The following C8G variants were observed in gnomAD, a reference collection of about 807,000 sequenced individuals.
The protein encoded by C8G is complement component C8 gamma chain.
A neutral mutation model predicts 29.1 loss-of-function variants in C8G; 38 were observed. The ratio of observed to expected loss-of-function variants is 1.31; its 90% CI spans 1.01 to 1.71. The LOEUF is 1.71. Ranked by LOEUF, C8G falls within the 40% of genes most tolerant of loss-of-function variation. The pLI is 0.00. For missense variants in C8G, 300 were observed against 267.4 expected (o/e 1.12, Z -0.85); for synonymous variants, 158 against 113.2 (o/e 1.40, Z -2.51).
chr9:136,945,968 C>G lies in C8G; in HGVS notation c.315C>G (p.Asp105Glu). The G allele has an allele frequency of 6.4e-7, 1 of 1,574,228 alleles. No individual in the cohort carries two copies. The highest frequency in any genetic ancestry group is 1.2e-5 in the South Asian group (1 of 86,708). ...GGCAGGTGCGCCAGCTCTATGGAGA[C>G]ACAGGGGTCCTCGGCCGCTTCCTGC... The part of the protein sequence containing the change: ...ICWQVRQLYG[D>E]TGVLGRFLLQ... The change falls in exon 3 of 7, where the codon GAC (aspartate) becomes GAG (glutamate). Residue 105 changes from aspartate to glutamate, a missense_variant. Coordinates refer to ENST00000371634, the MANE Select transcript of C8G (RefSeq NM_000606.3).
At chr9:136,946,396 C>G in intron 4 of C8G, 69 bp from the exon 5 acceptor site, 3 of 1,498,684 alleles carry the variant, frequency 2.0e-6, no homozygotes, top group Non-Finnish European at 2.7e-6. Flanking sequence ...AGGGGACACA[C>G]AGACCCCGTT....
Position 136,946,938 on chromosome 9 carries a change from G to C in C8G, c.*157G>C. 1.1e-6 allele frequency: 1 copy of C among 884,714 alleles called. No individual in the cohort carries two copies. The highest frequency in any genetic ancestry group is 1.8e-6 in the Non-Finnish European group (1 of 560,380). 54.8% of individuals were successfully genotyped at this position (884,714 alleles called of 1,614,324 possible). ...TGCCGGCTGCCCCAGAGGACAGTGGGTGGAGTGGTACCTACTTATTAAATG... is the reference window on the plus strand; with the variant it reads ...TGCCGGCTGCCCCAGAGGACAGTGGCTGGAGTGGTACCTACTTATTAAATG... On this transcript the variant is annotated 3_prime_UTR_variant, in exon 7 of 7. Transcript: ENST00000371634.
At chr9:136,946,252 C>A in intron 4 of C8G, 60 bp downstream of exon 4, 1 of 1,449,708 alleles carries the variant, frequency 6.9e-7, no homozygotes, top group Non-Finnish European at 9.4e-7. Flanking sequence ...ACTCACTGGG[C>A]CACCCCGAGG....
Position 136,945,642 on chromosome 9 carries a change from G to A in C8G, c.147G>A (p.Gly49=). 1 of 1,610,092 alleles carries A rather than the reference G, an allele frequency of 6.2e-7. No homozygotes were observed. The highest frequency in any genetic ancestry group is 8.5e-7 in the Non-Finnish European group (1 of 1,179,482). Residue 49 remains glycine, a synonymous_variant, in exon 2 of 7, where the codon GGG becomes GGA. Transcript: ENST00000371634. ...CCATGGTCTGCCCCCAGTTTGCAGG[G>A]ACCTGGCTCCTTGTGGCTGTGGGCT... ...KANFDAQQFA[G]TWLLVAVGSA... is the part of the protein sequence containing the mutation.
At position 136,946,847 on chromosome 9, in the gene C8G, C is replaced by T. The variant is rs1423567528; in HGVS notation, c.*66C>T. On this transcript the variant is annotated 3_prime_UTR_variant, in exon 7 of 7. Coordinates refer to ENST00000371634, the MANE Select transcript of C8G (RefSeq NM_000606.3). ...AGAGACGACCCCACCAGTGGGGTGC[C>T]CGCTGCCTGTCCTCCGTGAAACCAG... 6.6e-7 allele frequency: 1 copy of T among 1,524,884 alleles called. No individual in the cohort carries two copies. The highest frequency in any genetic ancestry group is 8.8e-7 in the Non-Finnish European group (1 of 1,136,046). The allele number at this position is 1,524,884 out of a possible 1,614,324, so 94.5% of individuals were successfully genotyped here.
At position 136,945,315 on chromosome 9, in the gene C8G, G is replaced by C; in HGVS notation, c.-6G>C. The C allele has an allele frequency of 1.3e-6, 2 of 1,597,166 alleles. No individual in the cohort carries two copies. Among genetic ancestry groups the C allele is most frequent in the South Asian group, 1.1e-5 (1 of 90,110 alleles). On this transcript the variant is annotated 5_prime_UTR_variant, in exon 1 of 7. Coordinates refer to ENST00000371634, the MANE Select transcript of C8G (RefSeq NM_000606.3). ...CCCACAGTCCTGCCACCCTGCTGCC[G>C]CCACCATGCTGCCCCCTGGGACTGC... is the stretch of plus-strand genomic sequence containing the variant.
chr9:136,945,404 G>A lies in C8G; in HGVS notation c.84G>A (p.Arg28=), dbSNP rs746854089. 1.4e-5 allele frequency: 22 copies of A among 1,604,522 alleles called. No individual in the cohort carries two copies. The highest frequency in any genetic ancestry group is 1.6e-4 in the Middle Eastern group (1 of 6,064). The change falls in exon 1 of 7, where the codon CGG becomes CGA. Residue 28 remains arginine, a synonymous_variant. Coordinates refer to ENST00000371634, the MANE Select transcript of C8G (RefSeq NM_000606.3). ...SLGQKPQRPR[R]PASPISTIQP... ...GCCAGAAGCCTCAGAGGCCACGCCG[G>A]CCCGCATCCCCCATCAGCACCATCC...
rs755655913 is a variant in C8G at position 136,945,981 on chromosome 9, G to A, written c.328G>A (p.Gly110Ser). The change falls in exon 3 of 7, where the codon GGC becomes AGC. Residue 110 changes from glycine to serine, a missense_variant. Physicochemically the swap from Gly to Ser is moderately conservative, Grantham distance 56. Transcript: ENST00000371634. ...RQLYGDTGVLGRFLLQARDAR... is the reference protein window; with the variant it reads ...RQLYGDTGVLSRFLLQARDAR... ...GCTCTATGGAGACACAGGGGTCCTC[G>A]GCCGCTTCCTGCTTCAAGGTGAGGC... The A allele has an allele frequency of 1.5e-5, 24 of 1,578,416 alleles. No individual in the cohort carries two copies. Among genetic ancestry groups the A allele is most frequent in the South Asian group, 1.0e-4 (9 of 87,198 alleles).
At position 136,946,466 on chromosome 9, in the gene C8G, C is replaced by T. The variant is rs772896602; in HGVS notation, c.456C>T (p.Ala152=). Residue 152 remains alanine, a splice_region_variant and synonymous_variant, in exon 5 of 7, where the codon GCC becomes GCT. Coordinates refer to ENST00000371634, the MANE Select transcript of C8G (RefSeq NM_000606.3). ...RAGQLSVKLY[A]RSLPVSDSVL... The stretch of plus-strand genomic sequence containing the variant: ...CCAGGAACCCTGTCTGCCCTGCAGC[C>T]CGCTCGCTCCCTGTGAGCGACTCGG... 3.4e-5 allele frequency: 54 copies of T among 1,597,906 alleles called. No homozygotes were observed. The Admixed American group carries it at 4.1e-4, about 12-fold the overall frequency.
At position 136,945,472 on chromosome 9, in the gene C8G, G is replaced by C. The variant is rs375028358; in HGVS notation, c.138+14G>C. 5.8e-6 allele frequency: 9 copies of C among 1,561,760 alleles called. No individual in the cohort carries two copies. In the African/African-American group the frequency reaches 1.1e-4, roughly 19 times the overall value. Reference sequence around the variant, plus strand: ...GATGCTCAGCAGGTAGAAGTTGGGGGGGGTAGAGGGAGGCAGGTAGAAGTT... The same window carrying C: ...GATGCTCAGCAGGTAGAAGTTGGGGCGGGTAGAGGGAGGCAGGTAGAAGTT... On this transcript the variant is annotated intron_variant, in intron 1 of 6. Coordinates refer to ENST00000371634, the MANE Select transcript of C8G (RefSeq NM_000606.3).
rs781101054 is a variant in C8G at position 136,945,279 on chromosome 9, AC to A, written c.-39del. On this transcript the variant is annotated 5_prime_UTR_variant, in exon 1 of 7. Transcript: ENST00000371634. ...CTCTGTCCTGGGACTTGGTGGTGCT[AC>A]CCTTGGCCTCCCACAGTCCTGCCAC... is the stretch of plus-strand genomic sequence containing the variant. The A allele has an allele frequency of 6.4e-7, 1 of 1,557,428 alleles. No individual in the cohort carries two copies. The highest frequency in any genetic ancestry group is 2.3e-5 in the East Asian group (1 of 44,144).
chr9:136,946,116 T>G lies in C8G; in HGVS notation c.378T>G (p.Val126=), dbSNP rs758197158. 7 of 1,593,326 alleles carry G rather than the reference T, an allele frequency of 4.4e-6. No individual in the cohort carries two copies. In the East Asian group the frequency reaches 1.3e-4, roughly 31 times the overall value. Reference sequence around the variant, plus strand: ...ACGCCCGAGGGGCTGTGCACGTGGTTGTCGCTGAGACCGACTACCAGAGTT... The same window carrying G: ...ACGCCCGAGGGGCTGTGCACGTGGTGGTCGCTGAGACCGACTACCAGAGTT... ...ARDARGAVHV[V]VAETDYQSFA... The change falls in exon 4 of 7, where the codon GTT becomes GTG. Residue 126 remains valine (V), a synonymous_variant. Coordinates refer to ENST00000371634, the MANE Select transcript of C8G (RefSeq NM_000606.3).
Position 136,946,894 on chromosome 9 carries a change from C to T in C8G, c.*113C>T, listed in dbSNP as rs1258001813. 7.5e-7 allele frequency: 1 copy of T among 1,339,250 alleles called. No homozygotes were observed. The highest frequency in any genetic ancestry group is 1.4e-5 in the African/African-American group (1 of 69,354). The allele number at this position is 1,339,250 out of a possible 1,614,324, so 83.0% of individuals were successfully genotyped here. A position where few individuals can be genotyped will look rare whatever the true frequency, so the allele number is the denominator to read the frequency against. On this transcript the variant is annotated 3_prime_UTR_variant, in exon 7 of 7. Transcript: ENST00000371634. ...CCAGCCTCAGATCAGGGCCCTGCCA[C>T]CCAGGGCAGGGGATCTTCTGCCGGC...
intron 6 of C8G, 37 bp from the exon 7 acceptor site, chr9:136,946,731 G>T (rs1759332761): frequency 6.2e-7 from 1 of 1,609,364 alleles, no homozygotes; most frequent in Non-Finnish European, 8.5e-7. Flanking sequence ...TGGTGAGGGG[G>T]GCCACTGCCA....
chr9:136,946,379 AG>A, intron 4 of C8G, 85 bp from the exon 5 acceptor site: 1 of 1,474,514 alleles, frequency 6.8e-7, no homozygotes, highest in Non-Finnish European at 9.0e-7. Context: ...GAGGGCCCCG[AG>A]GGGGCAGGGG....
Position 136,946,923 on chromosome 9 carries a change from C to T in C8G, c.*142C>T. On this transcript the variant is annotated 3_prime_UTR_variant, in exon 7 of 7. Transcript: ENST00000371634. ...GGGCAGGGGATCTTCTGCCGGCTGC[C>T]CCAGAGGACAGTGGGTGGAGTGGTA... The T allele has an allele frequency of 2.8e-6, 3 of 1,056,088 alleles. No homozygotes were observed. Among genetic ancestry groups the T allele is most frequent in the Admixed American group, 2.0e-5 (1 of 49,666 alleles). The allele number at this position is 1,056,088 out of a possible 1,614,324, so 65.4% of individuals were successfully genotyped here.
chr9:136,945,360 C>T lies in C8G; in HGVS notation c.40C>T (p.Leu14=), dbSNP rs1364602265. ...GACTGCGACCCTCTTGACTCTGCTC[C>T]TGGCAGCTGGCTCGCTGGGCCAGAA... ...PGTATLLTLL[L]AAGSLGQKPQ... is the part of the protein sequence containing the mutation. The change falls in exon 1 of 7, where the codon CTG becomes TTG. Residue 14 remains leucine (L), a synonymous_variant. Coordinates refer to ENST00000371634, the MANE Select transcript of C8G (RefSeq NM_000606.3). 36 of 1,612,854 alleles carry T rather than the reference C, an allele frequency of 2.2e-5. 1 individual carries two copies. Among genetic ancestry groups the T allele is most frequent in the Non-Finnish European group, 3.1e-5 (36 of 1,179,936 alleles).
chr9:136,945,475 G>T lies in C8G; in HGVS notation c.138+17G>T, dbSNP rs199870052. ...GCTCAGCAGGTAGAAGTTGGGGGGG[G>T]TAGAGGGAGGCAGGTAGAAGTTGTG... On this transcript the variant is annotated intron_variant, in intron 1 of 6. Coordinates refer to ENST00000371634, the MANE Select transcript of C8G (RefSeq NM_000606.3). 3.2e-6 allele frequency: 5 copies of T among 1,559,942 alleles called. No individual in the cohort carries two copies. Among genetic ancestry groups the T allele is most frequent in the Non-Finnish European group, 4.3e-6 (5 of 1,151,184 alleles).
intron 6 of C8G, 36 bp from the exon 7 acceptor site, chr9:136,946,732 G>T (rs764685063): frequency 1.2e-6 from 2 of 1,608,880 alleles, no homozygotes; most frequent in African/African-American, 1.3e-5. Context: ...GGTGAGGGGG[G>T]CCACTGCCAC....
Sources: gnomAD v4.1 joint callset for allele counts on GRCh38, gnomAD v4.1.1 for gene constraint, MANE v1.5 for transcripts, NCBI Gene and HGNC (gene_info 2026-07-23, HGNC 2026-07-21) for gene names.